QTMAN: variants seen among roughly 807,000 people sequenced by gnomAD.
QTMAN encodes the protein queuosine-tRNA mannosyltransferase, also known as tRNA-queuosine alpha-mannosyltransferase.
At chr2:144,085,173 T>C in the QTMAN span, among the ~76,000 whole-genome samples, 2 of 152,222 alleles carry the variant, frequency 1.3e-5, no homozygotes, top group Non-Finnish European at 2.9e-5. Context: ...ACTCTTTCTT[T>C]GTAGTGTGAA....
the QTMAN span, among the ~76,000 whole-genome samples, chr2:144,233,457 G>T: frequency 6.6e-6 from 1 of 152,162 alleles, no homozygotes; most frequent in East Asian, 1.9e-4. Context: ...AAGAGAAGAG[G>T]GGGAAATAAT....
chr2:144,238,090 T>A, the QTMAN span, among the ~76,000 whole-genome samples: 1 of 152,196 alleles, frequency 6.6e-6, no homozygotes, highest in African/African-American at 2.4e-5. Context: ...TGCACTCCAA[T>A]CCCTTTCTAG....
the QTMAN span, among the ~76,000 whole-genome samples, chr2:144,108,756 T>C: frequency 6.6e-6 from 1 of 150,520 alleles, no homozygotes. Flanking sequence ...CAAGCATGCT[T>C]ATACACCAAT....
the QTMAN span, among the ~76,000 whole-genome samples, chr2:144,140,498 A>G: frequency 6.6e-6 from 1 of 152,162 alleles, no homozygotes; most frequent in East Asian, 1.9e-4. Flanking sequence ...AATCACAGGC[A>G]AAGTATAACT....
the QTMAN span, chr2:143,942,918 T>C: frequency 1.3e-5 from 2 of 152,684 alleles, no homozygotes; most frequent in African/African-American, 2.4e-5. Flanking sequence ...CTGAAGTATT[T>C]ATATCTCCTA....
chr2:144,212,938 A>G, the QTMAN span, among the ~76,000 whole-genome samples: 2 of 152,202 alleles, frequency 1.3e-5, no homozygotes, highest in Admixed American at 1.3e-4. Context: ...ATTTCATACC[A>G]CTTCAAATTC....
chr2:144,327,934 T>C, the QTMAN span, among the ~76,000 whole-genome samples: 2 of 152,044 alleles, frequency 1.3e-5, no homozygotes, highest in Non-Finnish European at 2.9e-5. Flanking sequence ...GACTGTGGAA[T>C]TGCTTCTCTG....
the QTMAN span, chr2:143,943,040 A>G: frequency 6.6e-6 from 1 of 152,170 alleles, no homozygotes; most frequent in African/African-American, 2.4e-5. Flanking sequence ...TCATCATGCA[A>G]CGAATGCACC....
chr2:144,092,870 G>GTGTGTGT, the QTMAN span, among the ~76,000 whole-genome samples: 3,110 of 140,706 alleles, frequency 0.022, 115 homozygotes, highest in African/African-American at 0.073. Context: ...AAACTTTTGG[G>GTGTGTGT]GTGTGTGTGT....
At chr2:144,201,176 G>C in the QTMAN span, among the ~76,000 whole-genome samples, 1 of 152,090 alleles carries the variant, frequency 6.6e-6, no homozygotes, top group African/African-American at 2.4e-5. Flanking sequence ...CTAAAATAGA[G>C]GTCTCATTTT....
At chr2:144,085,220 C>A in the QTMAN span, among the ~76,000 whole-genome samples, 1 of 152,214 alleles carries the variant, frequency 6.6e-6, no homozygotes, top group Non-Finnish European at 1.5e-5. Context: ...GGCTGTGTTT[C>A]AATAAAATGT....
chr2:144,295,450 C>T, the QTMAN span: 1 of 152,194 alleles, frequency 6.6e-6, no homozygotes, highest in Non-Finnish European at 1.5e-5. Context: ...AACGCCAACA[C>T]TCCCTATGAA....
At chr2:144,300,123 C>G in the QTMAN span, among the ~76,000 whole-genome samples, 1 of 152,084 alleles carries the variant, frequency 6.6e-6, no homozygotes, top group Admixed American at 6.5e-5. Context: ...GGAGTGAGTA[C>G]CCACTGCCTA....
At chr2:143,983,737 T>A in the QTMAN span, among the ~76,000 whole-genome samples, 1 of 152,146 alleles carries the variant, frequency 6.6e-6, no homozygotes, top group Non-Finnish European at 1.5e-5. Flanking sequence ...CCTCCCAAAG[T>A]GCTAGGATTA....
the QTMAN span, among the ~76,000 whole-genome samples, chr2:144,182,853 T>TTATATATATATATATATTA: frequency 2.1e-5 from 1 of 47,306 alleles, no homozygotes; most frequent in African/African-American, 7.7e-5. Context: ...TATATATATT[T>TTATATATATATATATATTA]TATATATAAT....
the QTMAN span, among the ~76,000 whole-genome samples, chr2:144,055,631 A>C: frequency 3.9e-5 from 6 of 152,146 alleles, no homozygotes; most frequent in Non-Finnish European, 5.9e-5. Flanking sequence ...GGTGGGCAGC[A>C]TTACAGAAAT....
chr2:144,149,939 A>G, the QTMAN span, among the ~76,000 whole-genome samples: 1 of 152,046 alleles, frequency 6.6e-6, no homozygotes, highest in South Asian at 2.1e-4. Context: ...GCACACTTTT[A>G]TATCTTAAAT....
At chr2:144,227,533 C>CCATT in the QTMAN span, among the ~76,000 whole-genome samples, 12 of 151,938 alleles carry the variant, frequency 7.9e-5, no homozygotes, top group Non-Finnish European at 5.9e-5. Flanking sequence ...TTCTTAATAT[C>CCATT]CATTCATTCA....
the QTMAN span, among the ~76,000 whole-genome samples, chr2:144,090,357 T>C: frequency 1.3e-5 from 2 of 151,992 alleles, no homozygotes; most frequent in African/African-American, 2.4e-5. Context: ...ACTAGAGGAA[T>C]TACCCCATGT....
Sources: gnomAD v4.1 joint callset for allele counts (sites outside exome capture counted in the v4.1 genomes callset) on GRCh38, gnomAD v4.1.1 for gene constraint, MANE v1.5 for transcripts, NCBI Gene and HGNC (gene_info 2026-07-23, HGNC 2026-07-21) for gene names.